DSTN: variants seen among roughly 807,000 people sequenced by gnomAD.
The protein encoded by DSTN is destrin, actin depolymerizing factor.
In DSTN, 10 loss-of-function variants were observed where a neutral mutation model predicts 16.8. That is an observed-to-expected ratio of 0.60 (90% CI 0.37 to 1.01). DSTN has a LOEUF of 1.01. Ranked by LOEUF, DSTN falls within the 50% of genes least tolerant of loss-of-function variation. The pLI, the probability that DSTN is intolerant of heterozygous loss-of-function variation, is 0.01. For missense variants in DSTN, 141 were observed against 196.7 expected, an observed-to-expected ratio of 0.72 and a Z score of 1.69; for synonymous variants, 57 against 58.9, an observed-to-expected ratio of 0.97 and a Z score of 0.14.
intron 1 of DSTN, among the ~76,000 whole-genome samples, chr20:17,575,526 T>C (rs1404632375): frequency 6.6e-6 from 1 of 150,954 alleles, no homozygotes; most frequent in African/African-American, 2.4e-5. Flanking sequence ...TGCAGGGGCG[T>C]GAACACAACT....
rs2035353121 is a variant in DSTN, at chr20:17,582,135, A to G, written c.3+11924A>G. 2.0e-5 allele frequency among the ~76,000 whole-genome samples: 3 copies of G among 148,208 alleles called. No individual in the cohort carries two copies. In the Admixed American group the frequency reaches 2.0e-4, roughly 10 times the overall value. On this transcript the variant is annotated intron_variant, in intron 1 of 3. Coordinates refer to ENST00000246069, the MANE Select transcript of DSTN (RefSeq NM_006870.4). Reference sequence around the variant, plus strand: ...ACCCTGTTGCCCAGGCTGGAGTGCAATAGCGTGATCTTGGCTCACTGCAAC... The same window carrying G: ...ACCCTGTTGCCCAGGCTGGAGTGCAGTAGCGTGATCTTGGCTCACTGCAAC...
chr20:17,570,291 A>G, intron 1 of DSTN, 80 bp downstream of exon 1: 12 of 1,410,450 alleles, frequency 8.5e-6, no homozygotes, highest in Non-Finnish European at 1.1e-5. Context: ...GTCGGGGCTA[A>G]GGGGGTGAGC....
At chr20:17,599,714 A>G (rs2035566146) in intron 1 of DSTN, 1 of 152,106 alleles carries the variant, frequency 6.6e-6, no homozygotes, top group East Asian at 1.9e-4. Flanking sequence ...TTGGGCATAT[A>G]CTCCTTAGGA....
At chr20:17,602,309 A>G (rs1390045658) in intron 2 of DSTN, among the ~76,000 whole-genome samples, 3 of 152,176 alleles carry the variant, frequency 2.0e-5, no homozygotes, top group East Asian at 1.9e-4. Flanking sequence ...CACGCCAGCT[A>G]TTGTGCGAGG....
chr20:17,608,881 T>C lies in DSTN; in HGVS notation c.*1735T>C, dbSNP rs1160952718. On this transcript the variant is annotated 3_prime_UTR_variant, in exon 4 of 4. Coordinates refer to ENST00000246069, the MANE Select transcript of DSTN (RefSeq NM_006870.4). ...ATACTATGGTGGTCCCATACAATTA[T>C]AATGTATTTTCTACTGTAATTAGAT... 6.6e-6 allele frequency: 1 copy of C among 152,218 alleles called. No individual in the cohort carries two copies. The highest frequency in any genetic ancestry group is 1.5e-5 in the Non-Finnish European group (1 of 68,040). The allele number at this position is 152,218 out of a possible 1,614,324, so 9.4% of individuals were successfully genotyped here.
chr20:17,594,775 A>G (rs1287583704), intron 1 of DSTN, among the ~76,000 whole-genome samples: 1 of 152,224 alleles, frequency 6.6e-6, no homozygotes, highest in East Asian at 1.9e-4. Context: ...AAATGAGATG[A>G]ATGTATCAGA....
At chr20:17,602,888 C>T (rs573774751) in intron 2 of DSTN, among the ~76,000 whole-genome samples, 161 of 152,236 alleles carry the variant, frequency 1.1e-3, no homozygotes, top group Non-Finnish European at 1.8e-3. Context: ...GGCATAGTGG[C>T]ACACGCCTGC....
At chr20:17,585,530 T>G (rs1259041245) in intron 1 of DSTN, among the ~76,000 whole-genome samples, 1 of 152,168 alleles carries the variant, frequency 6.6e-6, no homozygotes, top group African/African-American at 2.4e-5. Flanking sequence ...ACTGAAAGTA[T>G]TATTCACCTT....
Position 17,607,300 on chromosome 20 carries a change from C to G in DSTN, c.*154C>G. ...ATTCTATAAACATATGCAAACAGCC[C>G]TAAATAAATCTAAAGTCTAAAGTTT... On this transcript the variant is annotated 3_prime_UTR_variant, in exon 4 of 4. Coordinates refer to ENST00000246069, the MANE Select transcript of DSTN (RefSeq NM_006870.4). 1 of 524,906 alleles carries G rather than the reference C, an allele frequency of 1.9e-6. No homozygotes were observed. The highest frequency in any genetic ancestry group is 3.9e-5 in the Admixed American group (1 of 25,816). 32.5% of individuals were successfully genotyped at this position (524,906 alleles called of 1,614,324 possible).
At position 17,609,720 on chromosome 20, in the gene DSTN, G is replaced by T. The variant is rs60358815; in HGVS notation, c.*2574G>T. On this transcript the variant is annotated 3_prime_UTR_variant, in exon 4 of 4. Transcript: ENST00000246069. The stretch of plus-strand genomic sequence containing the variant: ...CAAGGCGATTCTGGTACATAATTAG[G>T]GTTCAGACCTCAGCTGATTGGTCTA... 1 of 152,112 alleles carries T rather than the reference G, an allele frequency of 6.6e-6. No homozygotes were observed. The highest frequency in any genetic ancestry group is 1.5e-5 in the Non-Finnish European group (1 of 68,016). The allele number at this position is 152,112 out of a possible 1,614,324, so 9.4% of individuals were successfully genotyped here. A position where few individuals can be genotyped will look rare whatever the true frequency, so the allele number is the denominator to read the frequency against.
At chr20:17,596,595 A>C in intron 1 of DSTN, 1 of 984,362 alleles carries the variant, frequency 1.0e-6, no homozygotes, top group East Asian at 1.1e-4. Flanking sequence ...TGTAGTTCAG[A>C]GCTTTCTTCT....
intron 1 of DSTN, chr20:17,599,785 A>G (rs2035567133): frequency 6.6e-6 from 1 of 152,232 alleles, no homozygotes. Context: ...ATCTCCTGCA[A>G]TCACACATTT....
At chr20:17,579,915 A>G (rs890309196) in intron 1 of DSTN, among the ~76,000 whole-genome samples, 79 of 152,218 alleles carry the variant, frequency 5.2e-4, no homozygotes, top group Non-Finnish European at 4.3e-4. Context: ...AATCATATAT[A>G]GGATTCTTTC....
At chr20:17,601,746 C>T (rs531637584) in intron 2 of DSTN, among the ~76,000 whole-genome samples, 1 of 152,120 alleles carries the variant, frequency 6.6e-6, no homozygotes, top group South Asian at 2.1e-4. Context: ...ATTTTTATGG[C>T]CTTTTTCTTG....
At chr20:17,606,965 GT>G in intron 3 of DSTN, 71 bp from the exon 4 acceptor site, 2 of 1,487,620 alleles carry the variant, frequency 1.3e-6, no homozygotes, top group South Asian at 1.2e-5. Context: ...TCTTTTAAAA[GT>G]TTGGTTATCT....
At chr20:17,596,585 T>C (rs1241831768) in intron 1 of DSTN, 1 of 978,434 alleles carries the variant, frequency 1.0e-6, no homozygotes, top group African/African-American at 1.8e-5. Flanking sequence ...ACCTCACTGC[T>C]GTAGTTCAGA....
chr20:17,597,969 C>G (rs1269499515), intron 1 of DSTN, among the ~76,000 whole-genome samples: 1 of 151,402 alleles, frequency 6.6e-6, no homozygotes, highest in African/African-American at 2.4e-5. Context: ...TGTCTGGCTT[C>G]TTTCACTTAG....
Position 17,587,372 on chromosome 20 carries a change from T to A in DSTN, c.4-13366T>A, listed in dbSNP as rs148372953. 3.3e-3 allele frequency among the ~76,000 whole-genome samples: 506 copies of A among 152,246 alleles called. 2 individuals are homozygous for A. The highest frequency in any genetic ancestry group is 0.012 in the African/African-American group (494 of 41,550). Reference sequence around the variant, plus strand: ...TTCTCCACCTCCTGGGCCCAAGTGATCCTCCCTCATCACCTGAGTAGCTGG... The same window carrying A: ...TTCTCCACCTCCTGGGCCCAAGTGAACCTCCCTCATCACCTGAGTAGCTGG... On this transcript the variant is annotated intron_variant, in intron 1 of 3. Coordinates refer to ENST00000246069, the MANE Select transcript of DSTN (RefSeq NM_006870.4).
chr20:17,593,643 TAGGC>T (rs1232181490), intron 1 of DSTN, among the ~76,000 whole-genome samples: 1 of 152,190 alleles, frequency 6.6e-6, no homozygotes, highest in Non-Finnish European at 1.5e-5. Context: ...AAGTGCTATC[TAGGC>T]AGGGTGTATA....
Sources: gnomAD v4.1 joint callset for allele counts (sites outside exome capture counted in the v4.1 genomes callset) on GRCh38, gnomAD v4.1.1 for gene constraint, MANE v1.5 for transcripts, NCBI Gene and HGNC (gene_info 2026-07-23, HGNC 2026-07-21) for gene names.